LCMT1: variants seen among roughly 807,000 people sequenced by gnomAD.
LCMT1 encodes leucine carboxyl methyltransferase 1.
In LCMT1, 32 loss-of-function variants were observed where a neutral mutation model predicts 47.7. The ratio of observed to expected loss-of-function variants is 0.67; its 90% CI spans 0.51 to 0.90. LCMT1 has a LOEUF of 0.90. LCMT1 is among the 40% of genes least tolerant of loss of function. The pLI is 0.00. For missense variants in LCMT1, 375 were observed against 415.2 expected (o/e 0.90, Z 0.84); for synonymous variants, 152 against 149.7 (o/e 1.02, Z -0.11).
chr16:25,149,933 A>AG (rs150121123), intron 4 of LCMT1, among the ~76,000 whole-genome samples: 1 of 151,118 alleles, frequency 6.6e-6, no homozygotes, highest in Non-Finnish European at 1.5e-5. Flanking sequence ...AAAAAAAAAA[A>AG]GTAGGTTACC....
At chr16:25,115,883 G>C (rs1959769044) in intron 1 of LCMT1, among the ~76,000 whole-genome samples, 1 of 152,146 alleles carries the variant, frequency 6.6e-6, no homozygotes, top group African/African-American at 2.4e-5. Flanking sequence ...TCACCATGTT[G>C]GTCAGGCTGG....
Position 25,113,834 on chromosome 16 carries a change from C to T in LCMT1, c.113+1838C>T, listed in dbSNP as rs541456790. Among the ~76,000 whole-genome samples, 18 of 152,306 alleles carry T rather than the reference C, an allele frequency of 1.2e-4. 2 individuals are homozygous for T. The South Asian group carries it at 3.5e-3, about 30-fold the overall frequency. On this transcript the variant is annotated intron_variant, in intron 1 of 10. Transcript: ENST00000399069. ...CATTTTTAGTGGAGACAGGGCTTCA[C>T]CACGTTGGCCAGGCTAGTTTCGAAC...
At chr16:25,143,586 C>T (rs1960761300) in intron 4 of LCMT1, 1 of 152,034 alleles carries the variant, frequency 6.6e-6, no homozygotes, top group African/African-American at 2.4e-5. Context: ...CCACAAACAC[C>T]AGGAGATATT....
intron 3 of LCMT1, 69 bp downstream of exon 3, chr16:25,132,592 G>T: frequency 6.6e-7 from 1 of 1,522,202 alleles, no homozygotes; most frequent in Non-Finnish European, 8.9e-7. Context: ...CACCTAATTC[G>T]AAATGTAAAC....
chr16:25,133,598 C>T (rs932854505), intron 3 of LCMT1, among the ~76,000 whole-genome samples: 15 of 150,198 alleles, frequency 1.0e-4, no homozygotes, highest in Non-Finnish European at 1.9e-4. Context: ...GGGGTTTCAC[C>T]GTGTTGGCCA....
At chr16:25,134,293 G>C (rs1475538496) in intron 3 of LCMT1, among the ~76,000 whole-genome samples, 1 of 152,146 alleles carries the variant, frequency 6.6e-6, no homozygotes, top group African/African-American at 2.4e-5. Context: ...AACAGAGTGT[G>C]GGTATTTCTT....
At chr16:25,113,140 C>CAAAA (rs59940814) in intron 1 of LCMT1, among the ~76,000 whole-genome samples, 8 of 108,952 alleles carry the variant, frequency 7.3e-5, no homozygotes, top group African/African-American at 1.8e-4. Flanking sequence ...GACTATGTCT[C>CAAAA]AAAAAAAAAA....
rs576970415 is a variant in LCMT1 at position 25,158,455 on chromosome 16, T to A, written c.467-2647T>A. ...CGGCCGGTCTGTTTCTTTAGAAAGTTCTGTAAGTATCACACAAAATGATTT... is the reference window on the plus strand; with the variant it reads ...CGGCCGGTCTGTTTCTTTAGAAAGTACTGTAAGTATCACACAAAATGATTT... On this transcript the variant is annotated intron_variant, in intron 5 of 10. Transcript: ENST00000399069. Among the ~76,000 whole-genome samples, 210 of 152,350 alleles carry A rather than the reference T, an allele frequency of 1.4e-3. 3 individuals carry two copies. The highest frequency in any genetic ancestry group is 4.1e-4 in the Non-Finnish European group (28 of 68,036).
At chr16:25,139,225 A>G (rs1350937723) in intron 3 of LCMT1, among the ~76,000 whole-genome samples, 2 of 152,176 alleles carry the variant, frequency 1.3e-5, no homozygotes, top group African/African-American at 2.4e-5. Context: ...CACTTTTCAA[A>G]CAAGTAAATC....
chr16:25,175,281 G>C (rs1037392155), intron 10 of LCMT1, among the ~76,000 whole-genome samples: 4 of 151,928 alleles, frequency 2.6e-5, no homozygotes, highest in Admixed American at 1.3e-4. Context: ...GACTACAGGA[G>C]CCTGGCTAAT....
At chr16:25,169,610 C>G (rs2141712785) in intron 8 of LCMT1, 1 of 171,952 alleles carries the variant, frequency 5.8e-6, no homozygotes. Context: ...GATTTCACCC[C>G]TAAATACACA....
intron 6 of LCMT1, among the ~76,000 whole-genome samples, chr16:25,163,374 C>T (rs1191756571): frequency 6.7e-6 from 1 of 149,784 alleles, no homozygotes; most frequent in Non-Finnish European, 1.5e-5. Flanking sequence ...GAGGCCAAGG[C>T]AGGGGAACTG....
chr16:25,157,504 G>A (rs1051698546), intron 5 of LCMT1, among the ~76,000 whole-genome samples: 3 of 151,908 alleles, frequency 2.0e-5, no homozygotes, highest in Non-Finnish European at 2.9e-5. Context: ...TCGTGCCACC[G>A]CACTGCAACC....
At chr16:25,135,615 A>C (rs917659290) in intron 3 of LCMT1, among the ~76,000 whole-genome samples, 3 of 152,154 alleles carry the variant, frequency 2.0e-5, no homozygotes, top group Admixed American at 2.0e-4. Flanking sequence ...TGTGGGTCTT[A>C]GTGTCTCATG....
rs572455427 is a variant in LCMT1, at chr16:25,148,778, G to T, written c.405-2776G>T. On this transcript the variant is annotated intron_variant, in intron 4 of 10. Transcript: ENST00000399069. Reference sequence around the variant, plus strand: ...AATCAGTGGGGCCTCCCTCCGGCTCGCAGGCTCACAAGCCTCCCCTGCAGG... The same window carrying T: ...AATCAGTGGGGCCTCCCTCCGGCTCTCAGGCTCACAAGCCTCCCCTGCAGG... 5 of 152,300 alleles carry T rather than the reference G, an allele frequency of 3.3e-5. No homozygotes were observed. In the East Asian group the frequency reaches 7.7e-4, roughly 24 times the overall value. 9.4% of individuals were successfully genotyped at this position (152,300 alleles called of 1,614,324 possible).
rs1208845363 is a variant in LCMT1, at chr16:25,151,603, A to G, written c.454A>G (p.Thr152Ala). The change falls in exon 5 of 11, where the codon ACA becomes GCA. Residue 152 changes from threonine (T) to alanine (A), a missense_variant. By Grantham distance (58) the Thr-to-Ala change is moderately conservative (BLOSUM62 0). Coordinates refer to ENST00000399069, the MANE Select transcript of LCMT1 (RefSeq NM_016309.3). ...CATTCTAGAACTGCATTCAGAGGAC[A>G]CACTTCAGATGGGCAAGTATCAAGC... ...SPILELHSED[T>A]LQMDGHILDS... The G allele has an allele frequency of 1.2e-6, 2 of 1,613,330 alleles. No individual in the cohort carries two copies. The highest frequency in any genetic ancestry group is 1.1e-5 in the South Asian group (1 of 90,888).
intron 4 of LCMT1, chr16:25,147,346 A>G (rs1024321091): frequency 6.6e-6 from 1 of 152,214 alleles, no homozygotes; most frequent in East Asian, 1.9e-4. Context: ...TGTTGGGGAC[A>G]GCACAGGGGC....
chr16:25,154,020 TA>T (rs1961159697), intron 5 of LCMT1, among the ~76,000 whole-genome samples: 1 of 152,132 alleles, frequency 6.6e-6, no homozygotes, highest in Non-Finnish European at 1.5e-5. Context: ...TATTTTATTT[TA>T]TTTTTTGAGA....
intron 3 of LCMT1, among the ~76,000 whole-genome samples, chr16:25,138,936 C>CT (rs1044425732): frequency 1.9e-4 from 28 of 147,906 alleles, no homozygotes; most frequent in South Asian, 6.4e-4. Context: ...TTTCTCTTTT[C>CT]TTTTTTTTTT....
Sources: allele counts gnomAD v4.1 joint callset (sites outside exome capture counted in the v4.1 genomes callset), GRCh38; gene constraint gnomAD v4.1.1; transcripts MANE v1.5; gene names NCBI Gene and HGNC (gene_info 2026-07-23, HGNC 2026-07-21).